Variants in NUP210L observed in about 807,000 individuals in gnomAD.
The protein encoded by NUP210L is nuclear pore membrane glycoprotein 210-like.
A neutral mutation model predicts 208.5 loss-of-function variants in NUP210L; 74 were observed. The observed-to-expected ratio is 0.35, with a 90% CI of 0.29 to 0.43. The LOEUF is 0.43. NUP210L is among the 20% of genes least tolerant of loss of function. NUP210L has a pLI of 1.00. For synonymous variants in NUP210L, 780 were observed against 816.9 expected, an observed-to-expected ratio of 0.95 and a Z score of 0.77; for missense variants, 1,843 against 2,289.4, an observed-to-expected ratio of 0.81 and a Z score of 3.98.
intron 31 of NUP210L, 33 bp downstream of exon 31, chr1:154,023,089 A>G (rs774956633): frequency 3.8e-6 from 6 of 1,578,514 alleles, no homozygotes; most frequent in South Asian, 2.3e-5. Flanking sequence ...GATTTCTACC[A>G]TAGTGTCAAT....
rs751542987 is a variant in NUP210L at position 154,100,060 on chromosome 1, C to G, written c.1903G>C (p.Val635Leu). The change falls in exon 14 of 40, where the codon GTG becomes CTG. Residue 635 changes from valine to leucine, a missense_variant. This residue lies in a region of NUP210L where 408 missense variants were observed against 600.8 expected (regional missense o/e 0.68). Transcript: ENST00000368559. ...TCCAAGTACTTGTCACATTCATTCA[C>G]ACTTACTGTTACCAGAGTATGGCCA... 3.9e-5 allele frequency: 63 copies of G among 1,614,032 alleles called. No homozygotes were observed. Among genetic ancestry groups the G allele is most frequent in the Non-Finnish European group, 5.1e-5 (60 of 1,179,898 alleles).
At chr1:154,014,911 C>T (rs1651154037) in intron 33 of NUP210L, among the ~76,000 whole-genome samples, 2 of 151,532 alleles carry the variant, frequency 1.3e-5, no homozygotes, top group Admixed American at 6.6e-5. Context: ...GGCTGAGGCA[C>T]GAGAATTGCT....
intron 27 of NUP210L, among the ~76,000 whole-genome samples, chr1:154,039,185 G>A (rs1014445445): frequency 4.0e-5 from 6 of 151,402 alleles, no homozygotes; most frequent in African/African-American, 1.2e-4. Context: ...ATTTCTTGTA[G>A]GACAGGTCTG....
At chr1:153,995,623 G>T (rs1649805302) in intron 37 of NUP210L, 2 of 1,150,768 alleles carry the variant, frequency 1.7e-6, no homozygotes, top group Non-Finnish European at 2.6e-6. Context: ...TTGTCTGCAG[G>T]CACTCAGAAT....
chr1:154,072,574 C>T (rs533641384), intron 16 of NUP210L, among the ~76,000 whole-genome samples: 100 of 152,004 alleles, frequency 6.6e-4, no homozygotes, highest in Non-Finnish European at 1.3e-3. Flanking sequence ...CCTCATGATC[C>T]GCCCGCCTTG....
chr1:154,134,399 T>A (rs997615241), intron 7 of NUP210L, among the ~76,000 whole-genome samples: 1 of 150,656 alleles, frequency 6.6e-6, no homozygotes, highest in Non-Finnish European at 1.5e-5. Flanking sequence ...CTGTTTTCAT[T>A]GACTATTACA....
chr1:153,995,917 T>C (rs1649829168), intron 37 of NUP210L: 2 of 530,482 alleles, frequency 3.8e-6, no homozygotes, highest in Admixed American at 4.2e-5. Flanking sequence ...GAGCAGAAAA[T>C]TGTTGTGAAA....
chr1:153,996,148 T>C lies in NUP210L; in HGVS notation c.5387-968A>G, dbSNP rs572372320. ...TCTACTAAAAATAGAAAAAATTAGC[T>C]GGGTGTGGTGGCATGCACCTGTAGT... On this transcript the variant is annotated intron_variant, in intron 37 of 39. Coordinates refer to ENST00000368559, the Ensembl canonical transcript of NUP210L. Among the ~76,000 whole-genome samples the C allele has an allele frequency of 8.6e-5, 13 of 151,910 alleles. No individual in the cohort carries two copies. The South Asian group carries it at 1.5e-3, about 17-fold the overall frequency.
chr1:154,054,545 G>C (rs1427601538), intron 24 of NUP210L, 138 bp from the exon 25 acceptor site: 1 of 848,916 alleles, frequency 1.2e-6, no homozygotes, highest in Non-Finnish European at 1.9e-6. Context: ...CAACTCAAAT[G>C]CAGAAGAAAT....
chr1:154,045,976 C>G, intron 27 of NUP210L, 93 bp downstream of exon 27: 77 of 1,135,476 alleles, frequency 6.8e-5, no homozygotes, highest in Non-Finnish European at 8.1e-5. Context: ...CAGAGTGAGA[C>G]CTCATCTCAA....
At chr1:154,128,560 AAC>A (rs930663497) in intron 8 of NUP210L, among the ~76,000 whole-genome samples, 3 of 151,716 alleles carry the variant, frequency 2.0e-5, no homozygotes, top group African/African-American at 7.3e-5. Flanking sequence ...GGTATAAAGA[AAC>A]ACTTTAGGCT....
At chr1:154,086,212 A>G (rs933726918) in intron 16 of NUP210L, among the ~76,000 whole-genome samples, 2 of 144,210 alleles carry the variant, frequency 1.4e-5, no homozygotes, top group Admixed American at 7.0e-5. Flanking sequence ...ACTCAGTCTC[A>G]AAAAAAAAAA....
At chr1:154,027,066 G>A (rs1651921958) in intron 29 of NUP210L, among the ~76,000 whole-genome samples, 1 of 115,494 alleles carries the variant, frequency 8.7e-6, no homozygotes, top group East Asian at 2.6e-4. Context: ...CTGGGCAACA[G>A]AGCGAGACTG....
chr1:154,152,350 T>C (rs1659438761), intron 2 of NUP210L, among the ~76,000 whole-genome samples: 1 of 151,738 alleles, frequency 6.6e-6, no homozygotes, highest in South Asian at 2.1e-4. Context: ...TTTTTTGTAT[T>C]TTTAGTAGAG....
chr1:154,152,203 CCTCT>C (rs1268593834), intron 2 of NUP210L, among the ~76,000 whole-genome samples: 16 of 212 alleles, frequency 0.075, no homozygotes, highest in African/African-American at 0.21. Context: ...ATGGAGACTC[CCTCT>C]GTCGCCCCGC....
chr1:154,010,467 G>A (rs1017912800), intron 34 of NUP210L, among the ~76,000 whole-genome samples: 14 of 152,034 alleles, frequency 9.2e-5, no homozygotes, highest in African/African-American at 2.7e-4. Context: ...TCCATCTCCC[G>A]GTTCAGGCAA....
In NUP210L at chr1:154,075,275, G is replaced by A. The variant is rs143502025; in HGVS notation, c.2362-4810C>T. On this transcript the variant is annotated intron_variant, in intron 16 of 39. Transcript: ENST00000368559. Reference sequence around the variant, plus strand: ...GAGTTGTACAGCAATTTTAAAACATGTCTCTAAGCTCTCATATATATGTGA... The same window carrying A: ...GAGTTGTACAGCAATTTTAAAACATATCTCTAAGCTCTCATATATATGTGA... 1.9e-3 allele frequency among the ~76,000 whole-genome samples: 289 copies of A among 152,176 alleles called. 2 individuals carry two copies. The highest frequency in any genetic ancestry group is 6.6e-3 in the African/African-American group (273 of 41,516).
At chr1:154,127,573 TTGA>T (rs1658048803) in intron 8 of NUP210L, among the ~76,000 whole-genome samples, 156 bp from the exon 9 acceptor site, 1 of 127,990 alleles carries the variant, frequency 7.8e-6, no homozygotes. Flanking sequence ...TTTTTTTTTT[TTGA>T]GAGTCTTGCT....
intron 37 of NUP210L, among the ~76,000 whole-genome samples, chr1:154,000,368 C>CT (rs1037710757): frequency 2.0e-5 from 3 of 152,160 alleles, no homozygotes; most frequent in African/African-American, 7.2e-5. Flanking sequence ...ATTGAACCCT[C>CT]TACGTACTAT....
Sources: allele counts gnomAD v4.1 joint callset (sites outside exome capture counted in the v4.1 genomes callset), GRCh38; gene constraint gnomAD v4.1.1; regional missense constraint gnomAD v4.1.1; transcripts MANE v1.5; gene names NCBI Gene and HGNC (gene_info 2026-07-23, HGNC 2026-07-21).